FRMPD4: variants seen among roughly 807,000 people sequenced by gnomAD.
FRMPD4 encodes the protein FERM and PDZ domain containing 4, also known as FERM and PDZ domain-containing protein 4.
A neutral mutation model predicts 94.1 loss-of-function variants in FRMPD4; 22 were observed. The ratio of observed to expected loss-of-function variants is 0.23; its 90% CI spans 0.17 to 0.33. The LOEUF is 0.33. Ranked by LOEUF, FRMPD4 falls within the 10% of genes least tolerant of loss-of-function variation. The pLI, the probability that FRMPD4 is intolerant of heterozygous loss-of-function variation, is 1.00. For missense variants in FRMPD4, 1,111 were observed against 1,339.9 expected (o/e 0.83, Z 2.67); for synonymous variants, 631 against 548.6 (o/e 1.15, Z -2.10).
intron 2 of FRMPD4, among the ~76,000 whole-genome samples, chrX:12,526,085 G>C (rs910078100): frequency 8.9e-6 from 1 of 112,330 alleles, no homozygotes; most frequent in Non-Finnish European, 1.9e-5. Context: ...AAGTCTGAGA[G>C]TGCTACAGGG....
At chrX:12,536,790 G>A (rs2058343712) in intron 2 of FRMPD4, among the ~76,000 whole-genome samples, 1 of 111,023 alleles carries the variant, frequency 9.0e-6, no homozygotes, top group Admixed American at 9.6e-5. Flanking sequence ...CAGATGCTAG[G>A]AACACAAGTT....
chrX:12,300,806 G>C (rs58813191), intron 1 of FRMPD4, among the ~76,000 whole-genome samples: 404 of 111,785 alleles, frequency 3.6e-3, no homozygotes, highest in African/African-American at 0.012. Context: ...TAGATCCACA[G>C]GGTCTTAATC....
At position 12,092,704 on chromosome X, in the gene FRMPD4, C is replaced by T. The variant is rs778353458; in HGVS notation, c.95+214686C>T. ...TCATGATGCCTTAGTTGTGTTCATT[C>T]ATCCAACGAACATTACTGAGCCCCA... On this transcript the variant is annotated intron_variant, in intron 3 of 18. Coordinates refer to the FRMPD4 transcript ENST00000640291. Among the ~76,000 whole-genome samples the T allele has an allele frequency of 2.7e-5, 3 of 111,765 alleles. No individual in the cohort carries two copies. In the East Asian group the frequency reaches 8.5e-4, roughly 32 times the overall value.
At chrX:12,544,855 A>G (rs969401162) in intron 2 of FRMPD4, among the ~76,000 whole-genome samples, 1 of 111,661 alleles carries the variant, frequency 9.0e-6, no homozygotes, top group Non-Finnish European at 1.9e-5. Flanking sequence ...GAGGTGAATT[A>G]TATACAATAC....
chrX:12,234,419 G>C (rs1283883110), intron 1 of FRMPD4, among the ~76,000 whole-genome samples: 1 of 111,522 alleles, frequency 9.0e-6, no homozygotes, highest in Non-Finnish European at 1.9e-5. Flanking sequence ...CCAAAGTACA[G>C]ATTAATTTAA....
At chrX:11,889,986 C>A (rs1449340090) in intron 3 of FRMPD4, among the ~76,000 whole-genome samples, 1 of 112,475 alleles carries the variant, frequency 8.9e-6, no homozygotes, top group African/African-American at 3.2e-5. Context: ...TTCTGTCACA[C>A]TCTCCTGATC....
intron 2 of FRMPD4, among the ~76,000 whole-genome samples, chrX:12,512,142 G>A (rs1284601737): frequency 8.9e-6 from 1 of 112,501 alleles, no homozygotes; most frequent in Non-Finnish European, 1.9e-5. Context: ...TAGCAATGAA[G>A]TATTTTTAAT....
At chrX:12,185,900 C>A (rs1304760436) in intron 1 of FRMPD4, among the ~76,000 whole-genome samples, 8 of 111,363 alleles carry the variant, frequency 7.2e-5, no homozygotes. Flanking sequence ...GCTGTCAAGT[C>A]CAGTCTGATT....
At chrX:11,921,058 A>G (rs2054053081) in intron 3 of FRMPD4, among the ~76,000 whole-genome samples, 1 of 112,137 alleles carries the variant, frequency 8.9e-6, no homozygotes, top group Admixed American at 9.4e-5. Context: ...ATCAGGTCCT[A>G]TTACGTAAGG....
At chrX:12,173,975 C>G (rs1286484422) in intron 1 of FRMPD4, among the ~76,000 whole-genome samples, 1 of 111,648 alleles carries the variant, frequency 9.0e-6, no homozygotes, top group Non-Finnish European at 1.9e-5. Flanking sequence ...GGCTGGGACA[C>G]TCTTCCAGGG....
chrX:12,474,637 C>T (rs1319727501), intron 1 of FRMPD4, among the ~76,000 whole-genome samples: 4 of 111,261 alleles, frequency 3.6e-5, no homozygotes, highest in Non-Finnish European at 3.8e-5. Flanking sequence ...ATATCATCAC[C>T]GATCCCAGAG....
chrX:12,653,244 A>G (rs1018157052), intron 4 of FRMPD4, among the ~76,000 whole-genome samples: 1 of 112,192 alleles, frequency 8.9e-6, no homozygotes, highest in Non-Finnish European at 1.9e-5. Context: ...CTTAAAACGT[A>G]AAGAATAGAA....
intron 1 of FRMPD4, among the ~76,000 whole-genome samples, chrX:12,315,890 G>T (rs2055106850): frequency 9.0e-6 from 1 of 111,539 alleles, no homozygotes; most frequent in Admixed American, 9.5e-5. Context: ...GGGGGTAGGG[G>T]TTATGGAACT....
intron 1 of FRMPD4, among the ~76,000 whole-genome samples, chrX:12,295,301 T>C (rs1364765720): frequency 1.8e-5 from 2 of 112,025 alleles, no homozygotes; most frequent in South Asian, 3.8e-4. Flanking sequence ...AGCTGACTGT[T>C]GAATTGCATC....
intron 3 of FRMPD4, among the ~76,000 whole-genome samples, chrX:11,957,229 A>C (rs1419423069): frequency 8.9e-6 from 1 of 111,917 alleles, no homozygotes; most frequent in East Asian, 2.8e-4. Flanking sequence ...CAATCAAATG[A>C]GGGAGCCAAC....
chrX:12,043,908 T>G (rs1173714280), intron 3 of FRMPD4, among the ~76,000 whole-genome samples: 1 of 112,019 alleles, frequency 8.9e-6, no homozygotes, highest in African/African-American at 3.2e-5. Context: ...AATTTTACTG[T>G]TTTTTTAGTG....
intron 2 of FRMPD4, among the ~76,000 whole-genome samples, chrX:12,605,936 TTTC>T (rs749242419): frequency 8.9e-6 from 1 of 112,352 alleles, no homozygotes; most frequent in Non-Finnish European, 1.9e-5. Context: ...GCGTGAACAC[TTTC>T]TTTTTTGTCT....
At chrX:12,563,574 G>T (rs2058679980) in intron 2 of FRMPD4, among the ~76,000 whole-genome samples, 1 of 112,120 alleles carries the variant, frequency 8.9e-6, no homozygotes, top group African/African-American at 3.2e-5. Flanking sequence ...ACTGCCAAGG[G>T]CTCAGTCTTT....
intron 3 of FRMPD4, among the ~76,000 whole-genome samples, chrX:11,996,413 T>C (rs1211785740): frequency 2.7e-5 from 3 of 111,940 alleles, no homozygotes; most frequent in Admixed American, 9.5e-5. Flanking sequence ...GTTCCCAGAG[T>C]GGTGACAATT....
Sources: allele counts gnomAD v4.1 joint callset (sites outside exome capture counted in the v4.1 genomes callset), GRCh38; gene constraint gnomAD v4.1.1; transcripts MANE v1.5; gene names NCBI Gene and HGNC (gene_info 2026-07-23, HGNC 2026-07-21).